PKD2: variants seen among roughly 807,000 people sequenced by gnomAD.
The protein encoded by PKD2 is polycystin-2.
Under a neutral mutation model 105.9 loss-of-function variants are expected in PKD2, and 48 were observed. The ratio of observed to expected loss-of-function variants is 0.45; its 90% CI spans 0.36 to 0.58. The LOEUF (loss-of-function observed/expected upper bound fraction) is 0.58, where lower values mean the gene tolerates loss of function less well. PKD2 is among the 20% of genes least tolerant of loss of function. PKD2 has a pLI of 0.00. For missense variants in PKD2, 1,078 were observed against 1,255.3 expected (o/e 0.86, Z 2.13); for synonymous variants, 464 against 481.1 (o/e 0.96, Z 0.46).
At chr4:88,038,005 G>A (rs1416516088) in intron 3 of PKD2, among the ~76,000 whole-genome samples, 1 of 152,198 alleles carries the variant, frequency 6.6e-6, no homozygotes, top group Non-Finnish European at 1.5e-5. Context: ...GCCAGGTGCA[G>A]TAACTATGCA....
intron 12 of PKD2, among the ~76,000 whole-genome samples, chr4:88,066,206 G>C (rs1164448652): frequency 6.6e-6 from 1 of 152,028 alleles, no homozygotes; most frequent in African/African-American, 2.4e-5. Context: ...CTACAAATTG[G>C]GCCCTAAGCT....
chr4:88,065,417 C>G lies in PKD2; in HGVS notation c.2162C>G (p.Thr721Ser), dbSNP rs751589219. ...ALVKLKLKKN[T>S]VDDISESLRQ... ...GTCAAACTAAAACTGAAAAAAAATA[C>G]CGTGGATGACATTTCAGAGAGTCTG... is the stretch of plus-strand genomic sequence containing the variant. Residue 721 changes from threonine (T) to serine (S), a missense_variant, in exon 11 of 15, where the codon ACC (threonine) becomes AGC (serine). Physicochemically the swap from Thr to Ser is moderately conservative, Grantham distance 58. This residue lies in a region of PKD2 where 868 missense variants were observed against 1,067.3 expected (regional missense o/e 0.81). Transcript: ENST00000237596. The G allele has an allele frequency of 3.1e-6, 5 of 1,611,498 alleles. No homozygotes were observed. The Admixed American group carries it at 8.3e-5, about 27-fold the overall frequency.
Position 88,007,673 on chromosome 4 carries a change from C to A in PKD2, c.-61C>A. On this transcript the variant is annotated 5_prime_UTR_variant, in exon 1 of 15. The change creates a new upstream start codon in the 5' untranslated region. Transcript: ENST00000237596. Reference sequence around the variant, plus strand: ...CGCCGGGAAGAAAGGAACATGGCTCCTGAGGCGCACAGCGCCGAGCGCGGC... The same window carrying A: ...CGCCGGGAAGAAAGGAACATGGCTCATGAGGCGCACAGCGCCGAGCGCGGC... 1.9e-6 allele frequency: 2 copies of A among 1,073,732 alleles called. No individual in the cohort carries two copies. Among genetic ancestry groups the A allele is most frequent in the Non-Finnish European group, 2.3e-6 (2 of 881,796 alleles). 66.5% of individuals were successfully genotyped at this position (1,073,732 alleles called of 1,614,324 possible). A position where few individuals can be genotyped will look rare whatever the true frequency, so the allele number is the denominator to read the frequency against.
intron 13 of PKD2, among the ~76,000 whole-genome samples, chr4:88,070,132 T>C (rs910547190): frequency 1.3e-5 from 2 of 152,206 alleles, no homozygotes; most frequent in African/African-American, 2.4e-5. Flanking sequence ...ATTTTTTGTT[T>C]ATCTGAGAAT....
chr4:88,070,577 TATATATATA>T (rs1720978772), intron 13 of PKD2, among the ~76,000 whole-genome samples: 4 of 81,148 alleles, frequency 4.9e-5, no homozygotes, highest in African/African-American at 7.7e-5. Flanking sequence ...ATTTATTTTA[TATATATATA>T]TATATATATA....
intron 9 of PKD2, among the ~76,000 whole-genome samples, chr4:88,061,328 A>T (rs570811404): frequency 2.0e-4 from 31 of 152,330 alleles, no homozygotes; most frequent in African/African-American, 7.2e-4. Context: ...ATATACTAAT[A>T]TTTTGTTGTA....
chr4:88,011,123 A>G (rs1453775432), intron 1 of PKD2, among the ~76,000 whole-genome samples: 1 of 152,214 alleles, frequency 6.6e-6, no homozygotes, highest in African/African-American at 2.4e-5. Flanking sequence ...GGATGACCGA[A>G]AGATTTAAAG....
At position 88,056,100 on chromosome 4, in the gene PKD2, C is replaced by G. The variant is rs985821858; in HGVS notation, c.1731C>G (p.Ile577Met). The change falls in exon 8 of 15, where the codon ATC (isoleucine) becomes ATG (methionine). Residue 577 changes from isoleucine to methionine, a missense_variant. Ile to Met is a conservative substitution (Grantham distance 10, BLOSUM62 1). This residue lies in a region of PKD2 where 868 missense variants were observed against 1,067.3 expected (regional missense o/e 0.81). Coordinates refer to ENST00000237596, the MANE Select transcript of PKD2 (RefSeq NM_000297.4). ...CTCTCTTACAGCTCTTCAAATTCAT[C>G]AATTTTAACAGGACCATGAGCCAGC... ...FFVWIKLFKF[I>M]NFNRTMSQLS... 7 of 1,611,548 alleles carry G rather than the reference C, an allele frequency of 4.3e-6. No homozygotes were observed. Among genetic ancestry groups the G allele is most frequent in the Non-Finnish European group, 5.9e-6 (7 of 1,177,848 alleles).
chr4:88,026,506 T>G lies in PKD2; in HGVS notation c.709+6935T>G, dbSNP rs184855730. On this transcript the variant is annotated intron_variant, in intron 2 of 14. Coordinates refer to ENST00000237596, the MANE Select transcript of PKD2 (RefSeq NM_000297.4). ...AGATGGTTTGAAATTGGAACTTATG[T>G]TTAAAGGGGAAGCAGAGTGCAACAA... 8.1e-4 allele frequency among the ~76,000 whole-genome samples: 124 copies of G among 152,240 alleles called. 1 individual carries two copies. Among genetic ancestry groups the G allele is most frequent in the African/African-American group, 3.0e-3 (124 of 41,542 alleles).
chr4:88,046,905 A>C, intron 6 of PKD2, 35 bp downstream of exon 6: 1 of 1,198,172 alleles, frequency 8.3e-7, no homozygotes, highest in Non-Finnish European at 1.2e-6. Flanking sequence ...TTCCTATTCT[A>C]TTCTACAAGC....
rs548641954 is a variant in PKD2 at position 88,038,195 on chromosome 4, G to C, written c.844-56G>C. The stretch of plus-strand genomic sequence containing the variant: ...TTGGTTATGCAAACGATGCAGGCAG[G>C]GGCAAGACAGCGGCTGAGCTTGGAA... On this transcript the variant is annotated intron_variant, in intron 3 of 14. Coordinates refer to ENST00000237596, the MANE Select transcript of PKD2 (RefSeq NM_000297.4). 1,717 of 1,595,968 alleles carry C rather than the reference G, an allele frequency of 1.1e-3. 1 individual carries two copies. Among genetic ancestry groups the C allele is most frequent in the Non-Finnish European group, 1.3e-3 (1,544 of 1,164,794 alleles).
intron 1 of PKD2, among the ~76,000 whole-genome samples, chr4:88,016,648 A>C (rs1726572284): frequency 6.6e-6 from 1 of 152,200 alleles, no homozygotes; most frequent in Admixed American, 6.5e-5. Flanking sequence ...GAGGAAGTAG[A>C]TAGAGTAATT....
intron 13 of PKD2, among the ~76,000 whole-genome samples, chr4:88,069,200 TCTC>T (rs1720903701): frequency 6.6e-6 from 1 of 152,174 alleles, no homozygotes; most frequent in Non-Finnish European, 1.5e-5. Flanking sequence ...GAAGTATGTC[TCTC>T]CTGTAGACAG....
At chr4:88,046,294 A>G (rs528027398) in intron 5 of PKD2, among the ~76,000 whole-genome samples, 1 of 152,294 alleles carries the variant, frequency 6.6e-6, no homozygotes, top group Non-Finnish European at 1.5e-5. Flanking sequence ...TGTCTCTTAA[A>G]AAAATAATAA....
intron 2 of PKD2, among the ~76,000 whole-genome samples, chr4:88,025,604 A>G (rs1365526867): frequency 6.7e-6 from 1 of 149,896 alleles, no homozygotes. Flanking sequence ...ACAGAGCAAG[A>G]CCCTGTCTCA....
chr4:88,039,133 C>T (rs998160095), intron 4 of PKD2, among the ~76,000 whole-genome samples: 3 of 152,096 alleles, frequency 2.0e-5, no homozygotes, highest in South Asian at 2.1e-4. Flanking sequence ...CCTCCAAGGC[C>T]GTTTCAGGGT....
chr4:88,062,675 C>T (rs1387739385), intron 10 of PKD2, among the ~76,000 whole-genome samples: 1 of 152,130 alleles, frequency 6.6e-6, no homozygotes, highest in African/African-American at 2.4e-5. Context: ...ATTTAAAATA[C>T]ACAGTTTGTT....
At chr4:88,053,598 A>T (rs952857293) in intron 7 of PKD2, among the ~76,000 whole-genome samples, 22 of 151,824 alleles carry the variant, frequency 1.4e-4, no homozygotes, top group Admixed American at 1.3e-3. Context: ...CGGAGGGTGC[A>T]GTGAGCCAAG....
In PKD2 at chr4:88,075,515, C is replaced by T. The variant is rs377398357; in HGVS notation, c.2728C>T (p.Arg910Cys). 9 of 1,613,946 alleles carry T rather than the reference C, an allele frequency of 5.6e-6. No homozygotes were observed. Among genetic ancestry groups the T allele is most frequent in the African/African-American group, 5.3e-5 (4 of 74,886 alleles). Reference protein sequence around the residue: ...IHREQMERLVREELERWESDD... With the variant: ...IHREQMERLVCEELERWESDD... ...TAGGGAACAGATGGAACGGCTAGTA[C>T]GTGAAGAGTTGGAACGCTGGGAATC... is the stretch of plus-strand genomic sequence containing the variant. Residue 910 changes from arginine (R) to cysteine (C), a missense_variant, in exon 15 of 15, where the codon CGT (arginine) becomes TGT (cysteine). Physicochemically the swap from Arg to Cys is radical, Grantham distance 180. Around this residue, in one of 2 missense-constraint regions of PKD2, gnomAD observed 868 missense variants for 1,067.3 expected, o/e 0.81. Coordinates refer to ENST00000237596, the MANE Select transcript of PKD2 (RefSeq NM_000297.4).
Sources: allele counts gnomAD v4.1 joint callset (sites outside exome capture counted in the v4.1 genomes callset), GRCh38; gene constraint gnomAD v4.1.1; regional missense constraint gnomAD v4.1.1; transcripts MANE v1.5; gene names NCBI Gene and HGNC (gene_info 2026-07-23, HGNC 2026-07-21).